The following POU2F1 variants were observed in gnomAD, a reference collection of about 807,000 sequenced individuals.
The protein encoded by POU2F1 is POU domain, class 2, transcription factor 1.
In POU2F1, 16 loss-of-function variants were observed where a neutral mutation model predicts 84.9. That is an observed-to-expected ratio of 0.19 (90% CI 0.13 to 0.29). The LOEUF (loss-of-function observed/expected upper bound fraction) is 0.29, where lower values mean the gene tolerates loss of function less well. Among genes scored for constraint, POU2F1 ranks in the 10% least tolerant of loss-of-function variants. The probability of loss-of-function intolerance (pLI) is 1.00; values close to 1 mark genes in which losing one functional copy is unlikely to be tolerated. For synonymous variants in POU2F1, 368 were observed against 368.3 expected (o/e 1.00, Z 0.01); for missense variants, 738 against 942.6 (o/e 0.78, Z 2.84).
intron 2 of POU2F1, among the ~76,000 whole-genome samples, chr1:167,334,204 A>G (rs1368154415): frequency 9.0e-6 from 1 of 110,776 alleles, no homozygotes; most frequent in Non-Finnish European, 1.7e-5. Context: ...CTTGTTTCCC[A>G]GGCGGGAGTG....
rs750181925 is a variant in POU2F1, at chr1:167,294,218, G to A, written c.62-38252G>A. 3.3e-5 allele frequency among the ~76,000 whole-genome samples: 5 copies of A among 151,092 alleles called. 1 individual carries two copies. The highest frequency in any genetic ancestry group is 4.9e-5 in the African/African-American group (2 of 41,158). ...AAAAAAATTAGCCAGGTGTGGTGGC[G>A]GGCACCTGTGGTCCCAGCTACTCAG... On this transcript the variant is annotated intron_variant, in intron 1 of 15. Coordinates refer to ENST00000367866, the MANE Select transcript of POU2F1 (RefSeq NM_002697.4).
intron 2 of POU2F1, among the ~76,000 whole-genome samples, chr1:167,355,205 AGTTTTTT>A (rs764105018): frequency 5.1e-5 from 7 of 138,032 alleles, no homozygotes; most frequent in Admixed American, 1.4e-4. Context: ...TAATGTGTCT[AGTTTTTT>A]GTTTTTTGTT....
intron 1 of POU2F1, among the ~76,000 whole-genome samples, chr1:167,326,662 A>G (rs1656727640): frequency 6.6e-6 from 1 of 152,074 alleles, no homozygotes; most frequent in Non-Finnish European, 1.5e-5. Flanking sequence ...CCCACTCTAG[A>G]TAGTAGCCTG....
chr1:167,288,548 G>A lies in POU2F1; in HGVS notation c.62-43922G>A, dbSNP rs553942640. ...TACAAAAACAGTTAAAAATTAGCCAGGTGCTGTGGCCTGTGCCTGTAGTTC... is the reference window on the plus strand; with the variant it reads ...TACAAAAACAGTTAAAAATTAGCCAAGTGCTGTGGCCTGTGCCTGTAGTTC... On this transcript the variant is annotated intron_variant, in intron 1 of 15. Coordinates refer to ENST00000367866, the MANE Select transcript of POU2F1 (RefSeq NM_002697.4). Among the ~76,000 whole-genome samples the A allele has an allele frequency of 2.0e-4, 30 of 152,250 alleles. 1 individual carries two copies. Among genetic ancestry groups the A allele is most frequent in the Non-Finnish European group, 3.7e-4 (25 of 68,010 alleles).
chr1:167,257,609 T>TA (rs1386156083), intron 1 of POU2F1, among the ~76,000 whole-genome samples: 13 of 152,172 alleles, frequency 8.5e-5, no homozygotes, highest in African/African-American at 3.1e-4. Flanking sequence ...AAATGGGAAA[T>TA]GTAAACTGTA....
chr1:167,356,104 G>A (rs1339847144), intron 2 of POU2F1, among the ~76,000 whole-genome samples: 2 of 149,536 alleles, frequency 1.3e-5, no homozygotes, highest in South Asian at 2.1e-4. Context: ...GGACTATACT[G>A]TTACTAAGTA....
intron 1 of POU2F1, among the ~76,000 whole-genome samples, chr1:167,228,672 A>G (rs895779541): frequency 6.6e-6 from 1 of 152,226 alleles, no homozygotes. Context: ...TGCATAGGCA[A>G]TTACGTTTGC....
chr1:167,393,377 T>A (rs1003645455), intron 9 of POU2F1, among the ~76,000 whole-genome samples: 3 of 152,164 alleles, frequency 2.0e-5, no homozygotes, highest in Non-Finnish European at 4.4e-5. Flanking sequence ...ATAAAGTGAG[T>A]TTATTATTTA....
intron 1 of POU2F1, among the ~76,000 whole-genome samples, chr1:167,225,169 A>G (rs1648537451): frequency 6.6e-6 from 1 of 152,194 alleles, no homozygotes; most frequent in Admixed American, 6.5e-5. Flanking sequence ...AATTACAATG[A>G]TACTTTTGAA....
intron 11 of POU2F1, among the ~76,000 whole-genome samples, 184 bp downstream of exon 11, chr1:167,398,317 G>T (rs1331023511): frequency 6.6e-6 from 1 of 152,196 alleles, no homozygotes; most frequent in East Asian, 1.9e-4. Context: ...GCAGGGTTCA[G>T]GAGAGACTAG....
intron 2 of POU2F1, among the ~76,000 whole-genome samples, chr1:167,357,125 C>T (rs1276718969): frequency 6.6e-6 from 1 of 152,172 alleles, no homozygotes; most frequent in Non-Finnish European, 1.5e-5. Flanking sequence ...AATATGAAAA[C>T]TGCCAGACCA....
intron 1 of POU2F1, among the ~76,000 whole-genome samples, chr1:167,285,475 C>G (rs1571228705): frequency 6.6e-6 from 1 of 152,038 alleles, no homozygotes; most frequent in Non-Finnish European, 1.5e-5. Flanking sequence ...GCCTGTAGTC[C>G]CAGCTACTTG....
intron 13 of POU2F1, among the ~76,000 whole-genome samples, chr1:167,406,599 T>C (rs899665048): frequency 6.6e-6 from 1 of 152,172 alleles, no homozygotes; most frequent in Non-Finnish European, 1.5e-5. Context: ...CATTATTCTA[T>C]ATGTATAAAA....
intron 2 of POU2F1, 88 bp from the exon 3 acceptor site, chr1:167,365,379 G>C (rs1659620858): frequency 3.2e-6 from 3 of 928,620 alleles, no homozygotes; most frequent in Non-Finnish European, 4.7e-6. Context: ...ATGCAAAATA[G>C]GTGCCTGATG....
intron 1 of POU2F1, among the ~76,000 whole-genome samples, chr1:167,239,809 G>A (rs1532481): frequency 0.9 from 136,362 of 152,176 alleles, 62,378 homozygotes; most frequent in East Asian, 1. Context: ...AAAAATGTAT[G>A]TCGTCAGGGT....
chr1:167,276,272 T>G (rs574620940), intron 1 of POU2F1, among the ~76,000 whole-genome samples: 1 of 152,366 alleles, frequency 6.6e-6, no homozygotes, highest in East Asian at 1.9e-4. Context: ...AGTAGCGGCC[T>G]ATGTTATCAG....
At chr1:167,269,387 A>G (rs1044206740) in intron 1 of POU2F1, among the ~76,000 whole-genome samples, 4 of 152,236 alleles carry the variant, frequency 2.6e-5, no homozygotes, top group Non-Finnish European at 4.4e-5. Context: ...GTCTATTGAA[A>G]TAGAGACCTC....
At chr1:167,398,191 G>A (rs1326889440) in intron 11 of POU2F1, 58 bp downstream of exon 11, 14 of 1,551,914 alleles carry the variant, frequency 9.0e-6, no homozygotes, top group Non-Finnish European at 1.1e-5. Flanking sequence ...CTTAACATTA[G>A]TACTTAGTAG....
intron 1 of POU2F1, among the ~76,000 whole-genome samples, chr1:167,314,199 G>GAA (rs886749021): frequency 1.7e-4 from 12 of 71,586 alleles, no homozygotes; most frequent in East Asian, 3.8e-4. Flanking sequence ...CTCTGTCTCA[G>GAA]AAAAAAAAAA....
Sources: allele counts gnomAD v4.1 joint callset (sites outside exome capture counted in the v4.1 genomes callset), GRCh38; gene constraint gnomAD v4.1.1; transcripts MANE v1.5; gene names NCBI Gene and HGNC (gene_info 2026-07-23, HGNC 2026-07-21).